The following SRPK2 variants were observed in gnomAD, a reference collection of about 807,000 sequenced individuals.
SRPK2 encodes SFRS protein kinase 2.
In SRPK2, 21 loss-of-function variants were observed where a neutral mutation model predicts 90.8. The observed-to-expected ratio is 0.23, with a 90% CI of 0.16 to 0.33. The LOEUF is 0.33. Ranked by LOEUF, SRPK2 falls within the 10% of genes least tolerant of loss-of-function variation. The probability of loss-of-function intolerance (pLI) is 1.00; values close to 1 mark genes in which losing one functional copy is unlikely to be tolerated. For missense variants in SRPK2, 620 were observed against 869.0 expected, an observed-to-expected ratio of 0.71 and a Z score of 3.60; for synonymous variants, 288 against 311.1, an observed-to-expected ratio of 0.93 and a Z score of 0.78.
intron 15 of SRPK2, among the ~76,000 whole-genome samples, chr7:105,120,647 C>T (rs191027704): frequency 1.3e-5 from 2 of 150,460 alleles, no homozygotes; most frequent in East Asian, 2.0e-4. Context: ...AACACTGAAC[C>T]GCCTCTAAAA....
intron 2 of SRPK2, among the ~76,000 whole-genome samples, chr7:105,279,015 C>T (rs1421219375): frequency 6.6e-6 from 1 of 152,062 alleles, no homozygotes; most frequent in African/African-American, 2.4e-5. Context: ...AATAGGCTTA[C>T]TTTCAGATTG....
chr7:105,312,932 C>T (rs1439214551), intron 2 of SRPK2, among the ~76,000 whole-genome samples: 1 of 152,110 alleles, frequency 6.6e-6, no homozygotes, highest in African/African-American at 2.4e-5. Flanking sequence ...GATACCACAC[C>T]AGGCAAGAAA....
At chr7:105,207,834 G>A (rs1796393520) in intron 2 of SRPK2, among the ~76,000 whole-genome samples, 1 of 152,110 alleles carries the variant, frequency 6.6e-6, no homozygotes, top group African/African-American at 2.4e-5. Flanking sequence ...GTACTTCAAA[G>A]GGCACCATCA....
intron 2 of SRPK2, among the ~76,000 whole-genome samples, chr7:105,303,999 C>T (rs186034291): frequency 3.3e-5 from 5 of 152,170 alleles, no homozygotes; most frequent in Admixed American, 6.5e-5. Context: ...GTTTTCATTA[C>T]GACCTGAAAA....
chr7:105,349,797 GCCGT>G (rs1816936823), intron 2 of SRPK2, among the ~76,000 whole-genome samples: 1 of 151,956 alleles, frequency 6.6e-6, no homozygotes, highest in African/African-American at 2.4e-5. Context: ...GGTGTGCAGT[GCCGT>G]GATCTCAGCT....
chr7:105,257,371 C>A (rs1020827215), intron 2 of SRPK2, among the ~76,000 whole-genome samples: 4 of 152,192 alleles, frequency 2.6e-5, no homozygotes, highest in Non-Finnish European at 5.9e-5. Context: ...CTGATAAATT[C>A]ATCATAATCT....
intron 3 of SRPK2, among the ~76,000 whole-genome samples, chr7:105,203,217 T>C (rs759728072): frequency 5.3e-5 from 8 of 152,156 alleles, no homozygotes; most frequent in Non-Finnish European, 1.5e-5. Context: ...CTTGAATTCC[T>C]GAACTCAAGC....
At chr7:105,274,850 T>A (rs1405742355) in intron 2 of SRPK2, among the ~76,000 whole-genome samples, 1 of 151,940 alleles carries the variant, frequency 6.6e-6, no homozygotes, top group Non-Finnish European at 1.5e-5. Flanking sequence ...CAGCATCCAA[T>A]TAAAGCCTTC....
At chr7:105,332,864 G>A (rs905648846) in intron 2 of SRPK2, 4 of 151,960 alleles carry the variant, frequency 2.6e-5, no homozygotes, top group African/African-American at 9.7e-5. Context: ...GCCCAAGGAT[G>A]ACTCACAAAT....
chr7:105,322,761 AC>A (rs1423965922), intron 2 of SRPK2, among the ~76,000 whole-genome samples: 3 of 148,366 alleles, frequency 2.0e-5, no homozygotes, highest in East Asian at 2.0e-4. Context: ...AAAAAAAAAA[AC>A]AGTTTGCACA....
chr7:105,331,308 CAA>C (rs57653042), intron 2 of SRPK2, among the ~76,000 whole-genome samples: 56 of 45,068 alleles, frequency 1.2e-3, no homozygotes, highest in African/African-American at 2.7e-3. Flanking sequence ...GACTCCGTCT[CAA>C]AAAAAAAAAA....
chr7:105,220,751 A>T (rs890668129), intron 2 of SRPK2, among the ~76,000 whole-genome samples: 19 of 149,288 alleles, frequency 1.3e-4, no homozygotes, highest in Non-Finnish European at 2.5e-4. Flanking sequence ...CACTTTAACC[A>T]TTTTTTTTTT....
At chr7:105,350,912 A>G (rs1817096036) in intron 2 of SRPK2, among the ~76,000 whole-genome samples, 1 of 152,210 alleles carries the variant, frequency 6.6e-6, no homozygotes, top group Admixed American at 6.5e-5. Flanking sequence ...TCTGCCAGCC[A>G]ACCCTATACT....
intron 2 of SRPK2, among the ~76,000 whole-genome samples, chr7:105,380,947 T>TAAAA (rs869039181): frequency 4.8e-5 from 5 of 104,126 alleles, no homozygotes; most frequent in Admixed American, 1.1e-4. Flanking sequence ...TTTATTACTT[T>TAAAA]AAAAAAAAAA....
At chr7:105,395,452 G>A (rs1822295336) in intron 1 of SRPK2, among the ~76,000 whole-genome samples, 1 of 151,566 alleles carries the variant, frequency 6.6e-6, no homozygotes, top group African/African-American at 2.4e-5. Context: ...AAAGCTGGCT[G>A]GGCACAGTGG....
At chr7:105,235,615 T>TTTGG (rs1371317252) in intron 2 of SRPK2, among the ~76,000 whole-genome samples, 1 of 152,230 alleles carries the variant, frequency 6.6e-6, no homozygotes, top group African/African-American at 2.4e-5. Context: ...ATATCCTCTC[T>TTTGG]ATATCACAAT....
intron 3 of SRPK2, among the ~76,000 whole-genome samples, chr7:105,172,472 G>A (rs1028337745): frequency 5.3e-5 from 8 of 152,156 alleles, no homozygotes; most frequent in African/African-American, 1.7e-4. Context: ...GAACCTTTAA[G>A]AGAACAGAAA....
At chr7:105,380,815 C>A (rs1032200442) in intron 2 of SRPK2, among the ~76,000 whole-genome samples, 8 of 151,858 alleles carry the variant, frequency 5.3e-5, no homozygotes, top group Non-Finnish European at 1.0e-4. Context: ...AGCTACCACG[C>A]CCAGCTGCTA....
chr7:105,214,264 A>G (rs1797188537), intron 2 of SRPK2, among the ~76,000 whole-genome samples: 1 of 152,210 alleles, frequency 6.6e-6, no homozygotes, highest in Admixed American at 6.5e-5. Context: ...GCATATCACT[A>G]TTTTTAATAA....
Sources: gnomAD v4.1 joint callset for allele counts (sites outside exome capture counted in the v4.1 genomes callset) on GRCh38, gnomAD v4.1.1 for gene constraint, MANE v1.5 for transcripts, NCBI Gene and HGNC (gene_info 2026-07-23, HGNC 2026-07-21) for gene names.